The following PRDM1 variants were observed in gnomAD, a reference collection of about 807,000 sequenced individuals.
PRDM1 encodes the protein PR domain zinc finger protein 1.
In PRDM1, 13 loss-of-function variants were observed where a neutral mutation model predicts 62.8. The ratio of observed to expected loss-of-function variants is 0.21; its 90% CI spans 0.13 to 0.33. The LOEUF is 0.33. Among genes scored for constraint, PRDM1 ranks in the 10% least tolerant of loss-of-function variants. The pLI is 1.00. For missense variants in PRDM1, 895 were observed against 1,058.8 expected (o/e 0.85, Z 2.15); for synonymous variants, 396 against 417.6 (o/e 0.95, Z 0.63).
rs565374348 is a variant in PRDM1 at position 106,063,746 on chromosome 6, T to A, written c.-67+15032T>A. Among the ~76,000 whole-genome samples, 241 of 152,242 alleles carry A rather than the reference T, an allele frequency of 1.6e-3. 3 individuals carry two copies. Among genetic ancestry groups the A allele is most frequent in the Middle Eastern group, 6.8e-3 (2 of 294 alleles). ...CAAGGAGAACAGCTGACATGGAGGG[T>A]AGAAGGCAGAAATGTGTCAAGAAGC... On this transcript the variant is annotated intron_variant, in intron 1 of 6. Transcript: ENST00000651185.
At chr6:106,081,040 T>C (rs1773686106) in intron 1 of PRDM1, among the ~76,000 whole-genome samples, 1 of 152,236 alleles carries the variant, frequency 6.6e-6, no homozygotes, top group Non-Finnish European at 1.5e-5. Flanking sequence ...TCCCAGCTTT[T>C]CCTTAGTCAA....
intron 1 of PRDM1, among the ~76,000 whole-genome samples, chr6:106,060,378 G>T (rs779769854): frequency 1.3e-5 from 2 of 152,180 alleles, no homozygotes; most frequent in Non-Finnish European, 2.9e-5. Flanking sequence ...GGAAGTCACT[G>T]GTGAGCAGTG....
chr6:106,041,291 TTC>T (rs1772990570), intron 1 of PRDM1, among the ~76,000 whole-genome samples: 1 of 152,248 alleles, frequency 6.6e-6, no homozygotes, highest in Non-Finnish European at 1.5e-5. Context: ...CATTGTATTT[TTC>T]ACATTGTTCA....
chr6:106,091,982 G>T (rs573208910), intron 2 of PRDM1, among the ~76,000 whole-genome samples: 2 of 152,134 alleles, frequency 1.3e-5, no homozygotes, highest in East Asian at 3.9e-4. Flanking sequence ...AGTGGGATTC[G>T]GGGAGGGAAA....
intron 1 of PRDM1, among the ~76,000 whole-genome samples, chr6:106,050,336 A>G (rs1773153380): frequency 6.6e-6 from 1 of 152,232 alleles, no homozygotes; most frequent in South Asian, 2.1e-4. Flanking sequence ...ACTCTACTAT[A>G]TTATCTCTAA....
chr6:106,014,737 C>A (rs955954757), intron 1 of PRDM1, among the ~76,000 whole-genome samples: 1 of 151,578 alleles, frequency 6.6e-6, no homozygotes, highest in Non-Finnish European at 1.5e-5. Flanking sequence ...TTGGATTTAT[C>A]CTGAGAGATA....
At chr6:106,043,388 T>C (rs1194036456) in intron 1 of PRDM1, among the ~76,000 whole-genome samples, 5 of 152,236 alleles carry the variant, frequency 3.3e-5, no homozygotes, top group African/African-American at 1.2e-4. Context: ...CTTAGCACAG[T>C]GCCTGGCATG....
chr6:106,026,349 C>T (rs947380163), intron 1 of PRDM1, among the ~76,000 whole-genome samples: 17 of 151,934 alleles, frequency 1.1e-4, no homozygotes, highest in Non-Finnish European at 1.9e-4. Flanking sequence ...TATGGTGGCG[C>T]GTGCCTGTAA....
chr6:105,998,446 T>G (rs1252375306), intron 1 of PRDM1, among the ~76,000 whole-genome samples: 1 of 152,234 alleles, frequency 6.6e-6, no homozygotes, highest in African/African-American at 2.4e-5. Flanking sequence ...TAGAACATTT[T>G]ACATTTGACA....
At chr6:106,071,532 A>G (rs1562159299) in intron 1 of PRDM1, among the ~76,000 whole-genome samples, 1 of 152,116 alleles carries the variant, frequency 6.6e-6, no homozygotes, top group African/African-American at 2.4e-5. Flanking sequence ...GTACCCATCC[A>G]TACACTTGCT....
chr6:106,041,287 AT>A (rs1267350693), intron 1 of PRDM1, among the ~76,000 whole-genome samples: 2 of 152,162 alleles, frequency 1.3e-5, no homozygotes, highest in Non-Finnish European at 2.9e-5. Flanking sequence ...CAAACATTGT[AT>A]TTTTCACATT....
At chr6:106,057,917 A>G (rs184947791) in intron 1 of PRDM1, among the ~76,000 whole-genome samples, 8 of 152,302 alleles carry the variant, frequency 5.3e-5, no homozygotes, top group Admixed American at 4.6e-4. Flanking sequence ...TCATAATTCA[A>G]CTTTTGCTGT....
At chr6:106,014,519 A>T (rs866442687) in intron 1 of PRDM1, among the ~76,000 whole-genome samples, 1 of 151,836 alleles carries the variant, frequency 6.6e-6, no homozygotes, top group Non-Finnish European at 1.5e-5. Context: ...AGGATTTTTT[A>T]AAAAATTGAA....
At chr6:106,039,975 G>C (rs919344886) in intron 1 of PRDM1, among the ~76,000 whole-genome samples, 2 of 152,110 alleles carry the variant, frequency 1.3e-5, no homozygotes, top group African/African-American at 2.4e-5. Flanking sequence ...TAAATTCTCC[G>C]TCTCCATCCC....
In PRDM1 at chr6:106,099,522, T is replaced by C. The variant is rs1774206448; in HGVS notation, c.634T>C (p.Tyr212His). 1 of 1,614,076 alleles carries C rather than the reference T, an allele frequency of 6.2e-7. No homozygotes were observed. The highest frequency in any genetic ancestry group is 1.7e-5 in the Admixed American group (1 of 60,004). Residue 212 changes from tyrosine to histidine, a missense_variant, in exon 4 of 7, where the codon TAT (tyrosine) becomes CAT (histidine). This residue lies in a region of PRDM1 where 213 missense variants were observed against 283.9 expected (regional missense o/e 0.75). Coordinates refer to ENST00000369096, the MANE Select transcript of PRDM1 (RefSeq NM_001198.4). ...CTTTGCAGAAAGGCTTCACTACCCTTATCCCGGAGAGCTGACAATGATGAA... is the reference window on the plus strand; with the variant it reads ...CTTTGCAGAAAGGCTTCACTACCCTCATCCCGGAGAGCTGACAATGATGAA... ...RDFAERLHYPYPGELTMMNLT... is the reference protein window; with the variant it reads ...RDFAERLHYPHPGELTMMNLT...
At position 106,086,460 on chromosome 6, in the gene PRDM1, G is replaced by C; in HGVS notation, c.-94G>C. The C allele has an allele frequency of 3.8e-6, 5 of 1,302,452 alleles. No homozygotes were observed. The highest frequency in any genetic ancestry group is 5.3e-6 in the Non-Finnish European group (5 of 935,598). The allele number at this position is 1,302,452 out of a possible 1,614,324, so 80.7% of individuals were successfully genotyped here. ...CGCCCGGGCGGCCGGACGAAGCGAGGAGGGACCGCCGAGGTGCGCGTCTGT... is the reference window on the plus strand; with the variant it reads ...CGCCCGGGCGGCCGGACGAAGCGAGCAGGGACCGCCGAGGTGCGCGTCTGT... On this transcript the variant is annotated 5_prime_UTR_variant, in exon 1 of 7. Transcript: ENST00000369096.
Position 106,105,324 on chromosome 6 carries a change from C to T in PRDM1, c.1164C>T (p.Ser388=), listed in dbSNP as rs1582478975. The T allele has an allele frequency of 6.2e-7, 1 of 1,612,918 alleles. No homozygotes were observed. The highest frequency in any genetic ancestry group is 8.5e-7 in the Non-Finnish European group (1 of 1,179,210). Residue 388 remains serine, a synonymous_variant, in exon 5 of 7, where the codon TCC becomes TCT. Transcript: ENST00000369096. ...CCTACGGCACGGAAGGTTTGGGCTC[C>T]TACCCTGGCTACGCACCCCTGCCCC... ...NASYGTEGLG[S]YPGYAPLPHL...
chr6:106,086,191 A>G (rs1582458014), upstream of PRDM1: 2 of 319,296 alleles, frequency 6.3e-6, no homozygotes, highest in East Asian at 9.6e-5. Flanking sequence ...ACATGCGAAG[A>G]GAGGAAGCTC....
chr6:106,073,798 A>G (rs116427587), intron 1 of PRDM1, among the ~76,000 whole-genome samples: 4,033 of 152,334 alleles, frequency 0.026, 169 homozygotes, highest in African/African-American at 0.092. Context: ...CCACATCCTC[A>G]TCTGCATTCC....
Sources: gnomAD v4.1 joint callset for allele counts (sites outside exome capture counted in the v4.1 genomes callset) on GRCh38, gnomAD v4.1.1 for gene constraint, gnomAD v4.1.1 regional missense constraint, MANE v1.5 for transcripts, NCBI Gene and HGNC (gene_info 2026-07-23, HGNC 2026-07-21) for gene names.